The following CPNE4 variants were observed in gnomAD, a reference collection of about 807,000 sequenced individuals.
CPNE4 encodes copine-4.
A neutral mutation model predicts 67.9 loss-of-function variants in CPNE4; 25 were observed. The observed-to-expected ratio is 0.37, with a 90% confidence interval of 0.27 to 0.51. The LOEUF is 0.51. Ranked by LOEUF, CPNE4 falls within the 20% of genes least tolerant of loss-of-function variation. The pLI, the probability that CPNE4 is intolerant of heterozygous loss-of-function variation, is 0.93. For missense variants in CPNE4, 464 were observed against 690.8 expected (o/e 0.67, Z 3.68); for synonymous variants, 242 against 244.9 (o/e 0.99, Z 0.11).
At chr3:131,977,164 T>C (rs2072682270) in intron 1 of CPNE4, among the ~76,000 whole-genome samples, 1 of 152,138 alleles carries the variant, frequency 6.6e-6, no homozygotes, top group South Asian at 2.1e-4. Flanking sequence ...TAAGAGTCTT[T>C]GTAAAGATGA....
intron 8 of CPNE4, among the ~76,000 whole-genome samples, chr3:131,586,073 G>C (rs1938162020): frequency 6.6e-6 from 1 of 152,152 alleles, no homozygotes; most frequent in Non-Finnish European, 1.5e-5. Flanking sequence ...CAGTCTGACT[G>C]TATCCTGACC....
At chr3:131,824,228 A>G (rs73203808) in intron 2 of CPNE4, among the ~76,000 whole-genome samples, 11,336 of 152,284 alleles carry the variant, frequency 0.074, 570 homozygotes, top group East Asian at 0.17. Context: ...CCATGATTCT[A>G]TGAAATCATA....
chr3:131,717,219 G>A (rs1218168558), intron 3 of CPNE4, among the ~76,000 whole-genome samples: 1 of 148,988 alleles, frequency 6.7e-6, no homozygotes, highest in Non-Finnish European at 1.5e-5. Context: ...ATTACTCCAT[G>A]TAAAAAACAC....
chr3:131,773,056 G>T (rs1205355183), intron 2 of CPNE4, among the ~76,000 whole-genome samples: 1 of 152,072 alleles, frequency 6.6e-6, no homozygotes, highest in Non-Finnish European at 1.5e-5. Flanking sequence ...ACTTTACTGG[G>T]TATCTAGTAC....
intron 2 of CPNE4, among the ~76,000 whole-genome samples, chr3:131,863,515 A>G (rs144136205): frequency 0.076 from 11,646 of 152,240 alleles, 582 homozygotes; most frequent in East Asian, 0.17. Context: ...TTCTTTTGAG[A>G]AGTGTCTGTT....
At chr3:131,567,181 A>T (rs1937104156) in intron 10 of CPNE4, among the ~76,000 whole-genome samples, 1 of 151,954 alleles carries the variant, frequency 6.6e-6, no homozygotes, top group Non-Finnish European at 1.5e-5. Context: ...TTGATATAAA[A>T]CTAGACAATG....
At chr3:131,850,465 G>A (rs1257355285) in intron 2 of CPNE4, among the ~76,000 whole-genome samples, 1 of 152,070 alleles carries the variant, frequency 6.6e-6, no homozygotes, top group Non-Finnish European at 1.5e-5. Context: ...AATTAAGTAG[G>A]GAATGTAGAA....
intron 1 of CPNE4, among the ~76,000 whole-genome samples, chr3:132,019,707 C>A (rs2073952993): frequency 6.6e-6 from 1 of 152,174 alleles, no homozygotes; most frequent in African/African-American, 2.4e-5. Flanking sequence ...CAAATTCATG[C>A]TTTTGATTTG....
intron 7 of CPNE4, among the ~76,000 whole-genome samples, chr3:131,604,871 A>G (rs904853395): frequency 1.3e-5 from 2 of 152,140 alleles, no homozygotes; most frequent in African/African-American, 2.4e-5. Flanking sequence ...GTCAGAGGTC[A>G]CAACTCCCCA....
chr3:131,660,061 G>A (rs1015707545), intron 7 of CPNE4, among the ~76,000 whole-genome samples: 3 of 151,962 alleles, frequency 2.0e-5, no homozygotes, highest in Non-Finnish European at 4.4e-5. Context: ...GTATTTCAAC[G>A]ATTACCACCA....
At chr3:131,574,774 GCTT>G (rs1937508714) in intron 10 of CPNE4, among the ~76,000 whole-genome samples, 2 of 152,214 alleles carry the variant, frequency 1.3e-5, no homozygotes, top group South Asian at 4.1e-4. Flanking sequence ...AGGCTACTCT[GCTT>G]CATGCCTCAC....
intron 2 of CPNE4, among the ~76,000 whole-genome samples, chr3:131,800,996 T>C (rs1185028492): frequency 6.6e-6 from 1 of 152,006 alleles, no homozygotes; most frequent in Admixed American, 6.6e-5. Context: ...ATATGGGTTG[T>C]AAAGAAAAAG....
intron 1 of CPNE4, among the ~76,000 whole-genome samples, chr3:132,014,350 C>G (rs2073844074): frequency 6.6e-6 from 1 of 151,990 alleles, no homozygotes; most frequent in Non-Finnish European, 1.5e-5. Context: ...CACTCCTCAT[C>G]TCTCTCTCTC....
At chr3:131,757,294 A>T (rs1690800942) in intron 2 of CPNE4, among the ~76,000 whole-genome samples, 1 of 152,206 alleles carries the variant, frequency 6.6e-6, no homozygotes. Flanking sequence ...CGATATAGAC[A>T]ATAAAATCCA....
intron 1 of CPNE4, among the ~76,000 whole-genome samples, chr3:132,018,952 G>A (rs1278938406): frequency 6.6e-6 from 1 of 152,154 alleles, no homozygotes; most frequent in Non-Finnish European, 1.5e-5. Flanking sequence ...CGATGCACTT[G>A]AGCAACCACC....
intron 5 of CPNE4, among the ~76,000 whole-genome samples, chr3:131,692,114 G>A (rs534920310): frequency 1.3e-5 from 2 of 152,226 alleles, no homozygotes; most frequent in East Asian, 3.9e-4. Flanking sequence ...ATTTAGCTAA[G>A]TAAGAGGGTG....
At chr3:131,546,465 A>T (rs1269652022) in intron 14 of CPNE4, among the ~76,000 whole-genome samples, 1 of 152,176 alleles carries the variant, frequency 6.6e-6, no homozygotes, top group Non-Finnish European at 1.5e-5. Flanking sequence ...ACAGCTTGCC[A>T]AAGATGTTCA....
chr3:131,874,753 G>A (rs954687460), intron 2 of CPNE4, among the ~76,000 whole-genome samples: 1 of 152,048 alleles, frequency 6.6e-6, no homozygotes, highest in Admixed American at 6.5e-5. Context: ...CAACTTCATG[G>A]TAAAAAAATG....
At chr3:131,814,855 C>A (rs1172081586) in intron 2 of CPNE4, among the ~76,000 whole-genome samples, 1 of 151,284 alleles carries the variant, frequency 6.6e-6, no homozygotes. Context: ...CCGCCCGCCT[C>A]GGCCTCCCAA....
Sources: allele counts gnomAD v4.1 joint callset (sites outside exome capture counted in the v4.1 genomes callset), GRCh38; gene constraint gnomAD v4.1.1; transcripts MANE v1.5; gene names NCBI Gene and HGNC (gene_info 2026-07-23, HGNC 2026-07-21).